Variants in ACVR2B observed in about 807,000 individuals in gnomAD.
ACVR2B encodes activin A receptor type 2B, also known as activin receptor type-2B.
ACVR2B carries 18 observed loss-of-function variants against 65.1 expected under a neutral mutation model. The observed-to-expected ratio is 0.28, with a 90% CI of 0.19 to 0.41. The LOEUF is 0.41. Among genes scored for constraint, ACVR2B ranks in the 10% least tolerant of loss-of-function variants. ACVR2B has a pLI of 1.00. For synonymous variants in ACVR2B, 298 were observed against 277.7 expected, an observed-to-expected ratio of 1.07 and a Z score of -0.73; for missense variants, 482 against 682.7, an observed-to-expected ratio of 0.71 and a Z score of 3.28.
In ACVR2B at chr3:38,459,731, G is replaced by A. The variant is rs549026783; in HGVS notation, c.52+5357G>A. 16 of 938,050 alleles carry A rather than the reference G, an allele frequency of 1.7e-5. No individual in the cohort carries two copies. In the South Asian group the frequency reaches 5.4e-4, roughly 32 times the overall value. The allele number at this position is 938,050 out of a possible 1,614,324, so 58.1% of individuals were successfully genotyped here. ...CTCCCTCAGGGTGTGGTGGCCAGAT[G>A]GGAATCTGAGGGCAGGGCCAGGCTT... is the stretch of plus-strand genomic sequence containing the variant. On this transcript the variant is annotated intron_variant, in intron 1 of 10. Coordinates refer to ENST00000352511, the MANE Select transcript of ACVR2B (RefSeq NM_001106.4).
At position 38,483,165 on chromosome 3, in the gene ACVR2B, G is replaced by A. The variant is rs1710048407; in HGVS notation, c.1372G>A (p.Glu458Lys). Residue 458 changes from glutamate to lysine, a missense_variant, in exon 11 of 11, where the codon GAG becomes AAG. Around this residue, in one of 5 missense-constraint regions of ACVR2B, gnomAD observed 223 missense variants for 386.3 expected, o/e 0.58. Coordinates refer to ENST00000352511, the MANE Select transcript of ACVR2B (RefSeq NM_001106.4). This position sits in a 1 kb window ranked among gnomAD's most constrained non-coding sequence, Gnocchi z 4.8. ...PGLAQLCVTI[E>K]ECWDHDAEAR... is the part of the protein sequence containing the mutation. Reference sequence around the variant, plus strand: ...CCTGGCCCAGCTTTGTGTGACCATCGAGGAGTGCTGGGACCATGATGCAGA... The same window carrying A: ...CCTGGCCCAGCTTTGTGTGACCATCAAGGAGTGCTGGGACCATGATGCAGA... The A allele has an allele frequency of 4.3e-6, 7 of 1,614,144 alleles. No individual in the cohort carries two copies. Among genetic ancestry groups the A allele is most frequent in the Middle Eastern group, 3.3e-4 (2 of 6,062 alleles).
rs941292717 is a variant in ACVR2B at position 38,477,063 on chromosome 3, G to A, written c.53-224G>A. 1.3e-5 allele frequency: 8 copies of A among 603,608 alleles called. No individual in the cohort carries two copies. Among genetic ancestry groups the A allele is most frequent in the Non-Finnish European group, 2.1e-5 (7 of 339,318 alleles). 37.4% of individuals were successfully genotyped at this position (603,608 alleles called of 1,614,324 possible). A position where few individuals can be genotyped will look rare whatever the true frequency, so the allele number is the denominator to read the frequency against. ...CTTAGGCCTAGGGGCAGCTGTGATG[G>A]GCTGCAGAATGAGGTGGGGGCTGGT... On this transcript the variant is annotated intron_variant, in intron 1 of 10. Transcript: ENST00000352511. This position sits in a 1 kb window ranked among gnomAD's most constrained non-coding sequence, Gnocchi z 6.7.
rs1458494187 is a variant in ACVR2B, at chr3:38,477,773, C to T, written c.261-88C>T. The T allele has an allele frequency of 8.1e-6, 11 of 1,356,132 alleles. No homozygotes were observed. The highest frequency in any genetic ancestry group is 2.3e-5 in the East Asian group (1 of 43,692). 84.0% of individuals were successfully genotyped at this position (1,356,132 alleles called of 1,614,324 possible). A position where few individuals can be genotyped will look rare whatever the true frequency, so the allele number is the denominator to read the frequency against. ...CCCCTGGTGTTGCCCATGAGGTGCTCTGTCTGTGAGGAGGGGTTGGCAGGG... is the reference window on the plus strand; with the variant it reads ...CCCCTGGTGTTGCCCATGAGGTGCTTTGTCTGTGAGGAGGGGTTGGCAGGG... On this transcript the variant is annotated intron_variant, in intron 2 of 10. Coordinates refer to ENST00000352511, the MANE Select transcript of ACVR2B (RefSeq NM_001106.4). This position sits in a 1 kb window ranked among gnomAD's most constrained non-coding sequence, Gnocchi z 6.7.
intron 1 of ACVR2B, among the ~76,000 whole-genome samples, chr3:38,463,583 C>T (rs192949659): frequency 2.0e-5 from 3 of 152,276 alleles, no homozygotes; most frequent in East Asian, 3.9e-4. Context: ...CAGTCTTGTT[C>T]TTCAGCTTGC....
intron 1 of ACVR2B, among the ~76,000 whole-genome samples, chr3:38,463,732 C>A (rs541037282): frequency 6.6e-6 from 1 of 152,180 alleles, no homozygotes; most frequent in Non-Finnish European, 1.5e-5. Context: ...CCACATTATA[C>A]ATATGATGTG....
At chr3:38,460,290 C>T (rs1232683472) in intron 1 of ACVR2B, among the ~76,000 whole-genome samples, 1 of 152,210 alleles carries the variant, frequency 6.6e-6, no homozygotes. Context: ...ACTTACGGGT[C>T]CATCCCAGCC....
intron 1 of ACVR2B, chr3:38,454,735 T>A: frequency 5.1e-6 from 1 of 195,332 alleles, no homozygotes; most frequent in Non-Finnish European, 1.0e-5. Context: ...TGGGCAGATC[T>A]CATTGGGGGT....
Position 38,483,382 on chromosome 3 carries a change from GA to G in ACVR2B, c.*57del, listed in dbSNP as rs760951816. 6.2e-7 allele frequency: 1 copy of G among 1,600,054 alleles called. No homozygotes were observed. The highest frequency in any genetic ancestry group is 8.6e-7 in the Non-Finnish European group (1 of 1,169,280). On this transcript the variant is annotated 3_prime_UTR_variant, in exon 11 of 11. Coordinates refer to ENST00000352511, the MANE Select transcript of ACVR2B (RefSeq NM_001106.4). This position sits in a 1 kb window ranked among gnomAD's most constrained non-coding sequence, Gnocchi z 4.8. Reference sequence around the variant, plus strand: ...GACTCAGTGGATCTGAAGAAAAAAGGAAAAAAAGTTGTGTTTTGTTTTGGAA... The same window carrying G: ...GACTCAGTGGATCTGAAGAAAAAAGGAAAAAAGTTGTGTTTTGTTTTGGAA...
chr3:38,478,580 C>T (rs958967679), intron 5 of ACVR2B, 62 bp downstream of exon 5: 5 of 1,610,064 alleles, frequency 3.1e-6, no homozygotes, highest in Non-Finnish European at 4.2e-6. Flanking sequence ...ACTGGAGGCT[C>T]TCCTGACCTG....
rs983805297 is a variant in ACVR2B at position 38,482,616 on chromosome 3, A to G, written c.1344+56A>G. 81 of 1,590,524 alleles carry G rather than the reference A, an allele frequency of 5.1e-5. 1 individual carries two copies. Among genetic ancestry groups the G allele is most frequent in the Admixed American group, 1.8e-5 (1 of 55,462 alleles). On this transcript the variant is annotated intron_variant, in intron 10 of 10. Coordinates refer to ENST00000352511, the MANE Select transcript of ACVR2B (RefSeq NM_001106.4). ...GGGGGTGGAGAAGGGAAAACCCTTC[A>G]TGTGTAGCAGGTAAGCTGAAATCAA...
intron 1 of ACVR2B, among the ~76,000 whole-genome samples, chr3:38,466,507 C>CTTTTT (rs71085326): frequency 7.0e-6 from 1 of 143,874 alleles, no homozygotes; most frequent in South Asian, 2.2e-4. Flanking sequence ...ACCAAAACTT[C>CTTTTT]TTTTTTTTTT....
chr3:38,492,416 T>A lies in ACVR2B; in HGVS notation c.*9084T>A, dbSNP rs562430482. The A allele has an allele frequency of 1.3e-5, 2 of 152,712 alleles. No homozygotes were observed. The highest frequency in any genetic ancestry group is 1.9e-4 in the East Asian group (1 of 5,186). 9.5% of individuals were successfully genotyped at this position (152,712 alleles called of 1,614,324 possible). A position where few individuals can be genotyped will look rare whatever the true frequency, so the allele number is the denominator to read the frequency against. On this transcript the variant is annotated 3_prime_UTR_variant, in exon 11 of 11. Coordinates refer to ENST00000352511, the MANE Select transcript of ACVR2B (RefSeq NM_001106.4). ...TGAGTAATTGCAAACTCTGGAAATG[T>A]GACTAGTATATGATTTAAGGCTGTA...
intron 1 of ACVR2B, among the ~76,000 whole-genome samples, chr3:38,455,074 C>G (rs558673491): frequency 6.6e-6 from 1 of 152,236 alleles, no homozygotes; most frequent in African/African-American, 2.4e-5. Flanking sequence ...AGGCACGTGG[C>G]GGGGTGGGTG....
At chr3:38,467,579 C>G (rs982810013) in intron 1 of ACVR2B, among the ~76,000 whole-genome samples, 5 of 122,666 alleles carry the variant, frequency 4.1e-5, no homozygotes, top group Non-Finnish European at 9.8e-5. Context: ...AGTGAGACCC[C>G]ATCTCTACAA....
chr3:38,480,586 G>C (rs1210756754), intron 7 of ACVR2B, among the ~76,000 whole-genome samples: 3 of 152,136 alleles, frequency 2.0e-5, no homozygotes, highest in Non-Finnish European at 2.9e-5. Context: ...GTGAGGGAGG[G>C]GAATGAACCT....
Position 38,460,424 on chromosome 3 carries a change from G to A in ACVR2B, c.52+6050G>A, listed in dbSNP as rs144365637. On this transcript the variant is annotated intron_variant, in intron 1 of 10. Transcript: ENST00000352511. The stretch of plus-strand genomic sequence containing the variant: ...ATTGCTCAGTGATGTCTCTGACTAA[G>A]GCAGTGGTAGGTACTGGAAATCAAT... Among the ~76,000 whole-genome samples, 1,081 of 152,276 alleles carry A rather than the reference G, an allele frequency of 7.1e-3. 5 individuals are homozygous for A. Among genetic ancestry groups the A allele is most frequent in the Non-Finnish European group, 0.011 (773 of 68,026 alleles).
In ACVR2B at chr3:38,480,347, C is replaced by T. The variant is rs761424987; in HGVS notation, c.959+521C>T. Among the ~76,000 whole-genome samples the T allele has an allele frequency of 3.9e-5, 6 of 152,126 alleles. No homozygotes were observed. The East Asian group carries it at 5.8e-4, about 15-fold the overall frequency. ...AGTCTTAGAGATCTTCTGGGGTCCT[C>T]GAACCACCCTTTAAGAAACTCTGGA... On this transcript the variant is annotated intron_variant, in intron 7 of 10. Transcript: ENST00000352511.
chr3:38,465,758 A>C (rs1709717591), intron 1 of ACVR2B, among the ~76,000 whole-genome samples: 1 of 152,268 alleles, frequency 6.6e-6, no homozygotes, highest in South Asian at 2.1e-4. Flanking sequence ...AAAAGTTAAT[A>C]GCTGAGAACT....
intron 1 of ACVR2B, chr3:38,459,614 G>C (rs368635161): frequency 6.1e-6 from 6 of 985,408 alleles, no homozygotes; most frequent in Non-Finnish European, 7.2e-6. Context: ...GTGGCGCTCC[G>C]GGGAGCCGCA....
Sources: allele counts gnomAD v4.1 joint callset (sites outside exome capture counted in the v4.1 genomes callset), GRCh38; gene constraint gnomAD v4.1.1; regional missense constraint gnomAD v4.1.1; non-coding constraint Gnocchi (gnomAD v3.1); transcripts MANE v1.5; gene names NCBI Gene and HGNC (gene_info 2026-07-23, HGNC 2026-07-21).